ETV1: variants seen among roughly 807,000 people sequenced by gnomAD.
The protein encoded by ETV1 is ETS variant transcription factor 1, also known as ETS translocation variant 1.
Under a neutral mutation model 62.3 loss-of-function variants are expected in ETV1, and 27 were observed. That is an observed-to-expected ratio of 0.43 (90% CI 0.32 to 0.60). ETV1 has a LOEUF of 0.60. ETV1 is among the 20% of genes least tolerant of loss of function. ETV1 has a pLI of 0.06. For missense variants in ETV1, 605 were observed against 605.8 expected (o/e 1.00, Z 0.01); for synonymous variants, 222 against 199.6 (o/e 1.11, Z -0.94).
rs1315007805 is a variant in ETV1, at chr7:13,894,263, A to C, written c.*1603T>G. 2 of 231,876 alleles carry C rather than the reference A, an allele frequency of 8.6e-6. No homozygotes were observed. The highest frequency in any genetic ancestry group is 1.7e-5 in the Non-Finnish European group (2 of 117,646). The allele number at this position is 231,876 out of a possible 1,614,324, so 14.4% of individuals were successfully genotyped here. A position where few individuals can be genotyped will look rare whatever the true frequency, so the allele number is the denominator to read the frequency against. ...TGTCCCTTGCTTGAATCTTTTAGCG[A>C]GCTATTCAGAGATTCTATATCCCCA... On this transcript the variant is annotated 3_prime_UTR_variant, in exon 14 of 14. Coordinates refer to ENST00000430479, the MANE Select transcript of ETV1 (RefSeq NM_004956.5).
intron 3 of ETV1, 123 bp downstream of exon 3, chr7:13,988,885 G>A (rs1782810517): frequency 6.4e-7 from 1 of 1,551,134 alleles, no homozygotes; most frequent in Non-Finnish European, 8.8e-7. Flanking sequence ...CCCTACAGTG[G>A]CAACAAAGCA....
intron 12 of ETV1, 116 bp downstream of exon 12, chr7:13,906,314 G>T: frequency 3.0e-6 from 2 of 674,134 alleles, no homozygotes; most frequent in Non-Finnish European, 2.3e-6. Flanking sequence ...AATTCAGAAA[G>T]TTTCCCTAAA....
intron 7 of ETV1, 56 bp from the exon 8 acceptor site, chr7:13,935,952 A>G: frequency 7.3e-7 from 1 of 1,364,860 alleles, no homozygotes; most frequent in Non-Finnish European, 1.0e-6. Flanking sequence ...AATTTTTTAA[A>G]AAAGTTTCTA....
chr7:13,938,355 T>C (rs1787057650), intron 7 of ETV1, among the ~76,000 whole-genome samples: 1 of 152,202 alleles, frequency 6.6e-6, no homozygotes, highest in Non-Finnish European at 1.5e-5. Flanking sequence ...TGAATCTGAA[T>C]TGATATAACT....
chr7:13,921,402 C>A (rs549520722), intron 9 of ETV1, among the ~76,000 whole-genome samples: 1 of 152,204 alleles, frequency 6.6e-6, no homozygotes, highest in African/African-American at 2.4e-5. Context: ...AGAGTCAATC[C>A]TATCCTGAAT....
At chr7:13,907,785 A>C (rs1270721424) in intron 11 of ETV1, 3 of 467,274 alleles carry the variant, frequency 6.4e-6, no homozygotes, top group Admixed American at 4.8e-5. Context: ...ACACTTTCTA[A>C]AACTTACCTA....
chr7:13,920,661 A>C (rs1483660146), intron 9 of ETV1, among the ~76,000 whole-genome samples: 1 of 152,188 alleles, frequency 6.6e-6, no homozygotes, highest in African/African-American at 2.4e-5. Context: ...GGCCTGTGTT[A>C]ATGCATAAAG....
chr7:13,979,152 C>G (rs1245570507), intron 5 of ETV1, among the ~76,000 whole-genome samples: 1 of 152,064 alleles, frequency 6.6e-6, no homozygotes, highest in Non-Finnish European at 1.5e-5. Context: ...GGTTAAGTTT[C>G]TGAACCTCTT....
chr7:13,964,848 G>A (rs1247745623), intron 6 of ETV1, among the ~76,000 whole-genome samples: 2 of 152,104 alleles, frequency 1.3e-5, no homozygotes, highest in African/African-American at 4.8e-5. Flanking sequence ...AGCTAAGGGT[G>A]TACAATCTTT....
At chr7:13,919,838 CT>C (rs1404988586) in intron 9 of ETV1, among the ~76,000 whole-genome samples, 1 of 151,702 alleles carries the variant, frequency 6.6e-6, no homozygotes, top group African/African-American at 2.4e-5. Context: ...TATATGTTCC[CT>C]TCTTTTGTTC....
At chr7:13,986,054 T>C in intron 5 of ETV1, 1 of 1,310,174 alleles carries the variant, frequency 7.6e-7, no homozygotes, top group Non-Finnish European at 1.1e-6. Flanking sequence ...AAAACATTTT[T>C]AAAATCCTCA....
At chr7:13,926,770 C>A (rs1181420017) in intron 9 of ETV1, among the ~76,000 whole-genome samples, 1 of 152,136 alleles carries the variant, frequency 6.6e-6, no homozygotes, top group African/African-American at 2.4e-5. Flanking sequence ...ATGATACAAT[C>A]ATGATCATAC....
At chr7:13,903,284 T>C (rs1426134553) in intron 12 of ETV1, among the ~76,000 whole-genome samples, 4 of 152,208 alleles carry the variant, frequency 2.6e-5, no homozygotes, top group Non-Finnish European at 4.4e-5. Context: ...TTAAATAAGA[T>C]AATGTAATAG....
intron 7 of ETV1, among the ~76,000 whole-genome samples, chr7:13,937,447 G>A (rs1172690348): frequency 6.8e-6 from 1 of 146,424 alleles, no homozygotes; most frequent in African/African-American, 2.8e-5. Flanking sequence ...AGAATTTATT[G>A]CATATGCCAT....
At chr7:13,942,640 G>A (rs1194485643) in intron 6 of ETV1, among the ~76,000 whole-genome samples, 3 of 152,076 alleles carry the variant, frequency 2.0e-5, no homozygotes, top group African/African-American at 4.8e-5. Flanking sequence ...ACTTATAAGT[G>A]AGAACATGCA....
intron 4 of ETV1, 119 bp from the exon 5 acceptor site, chr7:13,986,804 AC>A: frequency 1.3e-6 from 1 of 749,820 alleles, no homozygotes; most frequent in Non-Finnish European, 2.1e-6. Context: ...GACGCAGTCA[AC>A]ATAAAAATAA....
chr7:13,896,304 C>T (rs896324492), intron 13 of ETV1, among the ~76,000 whole-genome samples: 5 of 151,762 alleles, frequency 3.3e-5, no homozygotes, highest in African/African-American at 1.2e-4. Flanking sequence ...AAAATGTTGA[C>T]CTTGAATAAT....
At chr7:13,984,284 T>C (rs1782313862) in intron 5 of ETV1, among the ~76,000 whole-genome samples, 1 of 151,990 alleles carries the variant, frequency 6.6e-6, no homozygotes, top group African/African-American at 2.4e-5. Flanking sequence ...AAAAGAAATA[T>C]GTAAACGGTT....
At chr7:13,941,779 A>G (rs954217726) in intron 6 of ETV1, among the ~76,000 whole-genome samples, 3 of 151,994 alleles carry the variant, frequency 2.0e-5, no homozygotes, top group African/African-American at 7.3e-5. Context: ...CTGGGGCACG[A>G]GAATCACTTG....
Sources: allele counts gnomAD v4.1 joint callset (sites outside exome capture counted in the v4.1 genomes callset), GRCh38; gene constraint gnomAD v4.1.1; transcripts MANE v1.5; gene names NCBI Gene and HGNC (gene_info 2026-07-23, HGNC 2026-07-21).